The following ARHGAP6 variants were observed in gnomAD, a reference collection of about 807,000 sequenced individuals.
The protein encoded by ARHGAP6 is rho GTPase-activating protein 6.
Under a neutral mutation model 55.7 loss-of-function variants are expected in ARHGAP6, and 16 were observed. The ratio of observed to expected loss-of-function variants is 0.29; its 90% CI spans 0.19 to 0.44. The LOEUF (loss-of-function observed/expected upper bound fraction) is 0.44. ARHGAP6 is among the 20% of genes least tolerant of loss of function. The probability of loss-of-function intolerance (pLI) is 1.00; values close to 1 mark genes in which losing one functional copy is unlikely to be tolerated. For synonymous variants in ARHGAP6, 382 were observed against 360.9 expected (o/e 1.06, Z -0.66); for missense variants, 698 against 808.9 (o/e 0.86, Z 1.66).
At chrX:11,577,141 G>T (rs1015127355) in intron 1 of ARHGAP6, among the ~76,000 whole-genome samples, 5 of 112,226 alleles carry the variant, frequency 4.5e-5, no homozygotes, top group Admixed American at 1.9e-4. Context: ...ATCTGCATCT[G>T]CAAAGTCTCT....
chrX:11,430,676 A>G (rs1603203977), intron 1 of ARHGAP6, among the ~76,000 whole-genome samples: 1 of 112,604 alleles, frequency 8.9e-6, no homozygotes, highest in Admixed American at 9.4e-5. Flanking sequence ...GCATATCTCT[A>G]CTTCCAAGTA....
At chrX:11,476,404 T>C (rs1305045582) in intron 1 of ARHGAP6, among the ~76,000 whole-genome samples, 3 of 111,342 alleles carry the variant, frequency 2.7e-5, no homozygotes, top group Non-Finnish European at 5.7e-5. Flanking sequence ...AAAAGACAAA[T>C]AAATCAAACC....
intron 1 of ARHGAP6, among the ~76,000 whole-genome samples, chrX:11,336,600 A>G (rs1260390814): frequency 8.9e-6 from 1 of 112,002 alleles, no homozygotes; most frequent in Non-Finnish European, 1.9e-5. Flanking sequence ...CTTGAAACCA[A>G]CAAGAAGGCC....
In ARHGAP6 at chrX:11,549,507, G is replaced by A. The variant is rs925543529; in HGVS notation, c.588+114734C>T. ...CAGAATTTTTAGAAGCCCCAGGGGT[G>A]AATCTAATATGCAGCCAAGGTTTAG... On this transcript the variant is annotated intron_variant, in intron 1 of 12. Coordinates refer to ENST00000337414, the MANE Select transcript of ARHGAP6 (RefSeq NM_013427.3). Among the ~76,000 whole-genome samples, 4 of 112,229 alleles carry A rather than the reference G, an allele frequency of 3.6e-5. No individual in the cohort carries two copies. In the Admixed American group the frequency reaches 3.8e-4, roughly 11 times the overall value.
Position 11,419,662 on chromosome X carries a change from C to T in ARHGAP6, c.589-164955G>A, listed in dbSNP as rs955493635. Among the ~76,000 whole-genome samples, 10 of 112,068 alleles carry T rather than the reference C, an allele frequency of 8.9e-5. No homozygotes were observed. In the East Asian group the frequency reaches 2.8e-3, roughly 31 times the overall value. ...GATTTGTGCCCATGTGGAGAGGCAC[C>T]CACCTGGCACAGAGATGCTTGGCAA... On this transcript the variant is annotated intron_variant, in intron 1 of 12. Transcript: ENST00000337414.
At chrX:11,548,958 A>C (rs1306095286) in intron 1 of ARHGAP6, among the ~76,000 whole-genome samples, 2 of 112,458 alleles carry the variant, frequency 1.8e-5, no homozygotes, top group Non-Finnish European at 3.7e-5. Flanking sequence ...TAGAAGAATA[A>C]AACTAGACCC....
intron 8 of ARHGAP6, among the ~76,000 whole-genome samples, chrX:11,173,352 A>G (rs1357518850): frequency 8.1e-5 from 9 of 111,757 alleles, no homozygotes; most frequent in African/African-American, 2.3e-4. Flanking sequence ...TACACTGGTG[A>G]TTTGTAACTT....
chrX:11,604,681 G>T (rs1383180368), intron 1 of ARHGAP6, among the ~76,000 whole-genome samples: 2 of 112,245 alleles, frequency 1.8e-5, no homozygotes, highest in African/African-American at 6.5e-5. Context: ...GTAGTTGCAT[G>T]TAGAAGGTTT....
intron 1 of ARHGAP6, among the ~76,000 whole-genome samples, chrX:11,308,071 G>A (rs2147594801): frequency 8.9e-6 from 1 of 112,277 alleles, no homozygotes; most frequent in East Asian, 2.8e-4. Context: ...GATAGAGAGA[G>A]GAAGAAATTT....
At chrX:11,163,197 A>G (rs1410049649) in intron 9 of ARHGAP6, among the ~76,000 whole-genome samples, 2 of 112,107 alleles carry the variant, frequency 1.8e-5, no homozygotes, top group Admixed American at 9.5e-5. Flanking sequence ...GCTGTTCCAA[A>G]AATCAAAAGA....
intron 1 of ARHGAP6, among the ~76,000 whole-genome samples, chrX:11,393,585 G>A (rs1373353684): frequency 8.9e-6 from 1 of 111,810 alleles, no homozygotes; most frequent in Non-Finnish European, 1.9e-5. Context: ...TTGTAGAAAT[G>A]TTTACATTTA....
intron 1 of ARHGAP6, among the ~76,000 whole-genome samples, chrX:11,597,365 C>T (rs767096537): frequency 1.8e-4 from 20 of 111,344 alleles, no homozygotes; most frequent in African/African-American, 6.2e-4. Context: ...TAGAAAAATC[C>T]GTGTTAACTA....
intron 8 of ARHGAP6, among the ~76,000 whole-genome samples, chrX:11,175,099 C>G (rs776020944): frequency 7.1e-5 from 8 of 111,939 alleles, no homozygotes; most frequent in Non-Finnish European, 1.1e-4. Flanking sequence ...TCTAGCCAAT[C>G]TACAACGTGG....
At chrX:11,496,399 T>C (rs1271099842) in intron 1 of ARHGAP6, among the ~76,000 whole-genome samples, 1 of 111,879 alleles carries the variant, frequency 8.9e-6, no homozygotes, top group Non-Finnish European at 1.9e-5. Context: ...CTACTGCTTA[T>C]TACAAAATTT....
chrX:11,455,107 A>G (rs978452485), intron 1 of ARHGAP6, among the ~76,000 whole-genome samples: 4 of 112,051 alleles, frequency 3.6e-5, no homozygotes, highest in African/African-American at 1.3e-4. Flanking sequence ...GAGAGAAAAC[A>G]TATTCTCCAA....
At chrX:11,174,553 CCTTCCTTCCTTCCTTCCTTCCTTT>C (rs1569240990) in intron 8 of ARHGAP6, among the ~76,000 whole-genome samples, 35 of 81,496 alleles carry the variant, frequency 4.3e-4, no homozygotes, top group Admixed American at 8.4e-4. Flanking sequence ...TTCCTTCCTT[CCTTCCTTCCTTCCTTCCTTCCTTT>C]CTTTCTTTCT....
intron 1 of ARHGAP6, among the ~76,000 whole-genome samples, chrX:11,434,268 G>T (rs1019172523): frequency 2.0e-4 from 22 of 111,973 alleles, no homozygotes; most frequent in African/African-American, 7.1e-4. Flanking sequence ...CCACTTAGCA[G>T]TACCTCTCAC....
chrX:11,273,934 G>A (rs746184013), intron 1 of ARHGAP6, among the ~76,000 whole-genome samples: 1 of 111,598 alleles, frequency 9.0e-6, no homozygotes, highest in Non-Finnish European at 1.9e-5. Context: ...ATCTTAAAAT[G>A]TGAGGTTTAT....
At chrX:11,424,505 T>C (rs774848903) in intron 1 of ARHGAP6, among the ~76,000 whole-genome samples, 54 of 112,110 alleles carry the variant, frequency 4.8e-4, no homozygotes, top group African/African-American at 1.7e-3. Flanking sequence ...ATCACCTCTT[T>C]ATCCCATCCA....
Sources: gnomAD v4.1 joint callset for allele counts (sites outside exome capture counted in the v4.1 genomes callset) on GRCh38, gnomAD v4.1.1 for gene constraint, MANE v1.5 for transcripts, NCBI Gene and HGNC (gene_info 2026-07-23, HGNC 2026-07-21) for gene names.